Variants in PRKCE observed in about 807,000 individuals in gnomAD.
PRKCE encodes protein kinase C epsilon.
In PRKCE, 16 loss-of-function variants were observed where a neutral mutation model predicts 85.4. The ratio of observed to expected loss-of-function variants is 0.19; its 90% CI spans 0.13 to 0.28. The LOEUF (loss-of-function observed/expected upper bound fraction) is 0.28. Ranked by LOEUF, PRKCE falls within the 10% of genes least tolerant of loss-of-function variation. The pLI is 1.00. For synonymous variants in PRKCE, 388 were observed against 371.5 expected (o/e 1.04, Z -0.51); for missense variants, 573 against 975.2 (o/e 0.59, Z 5.49).
chr2:45,874,975 G>A (rs1213554100), intron 2 of PRKCE, among the ~76,000 whole-genome samples: 1 of 152,070 alleles, frequency 6.6e-6, no homozygotes, highest in Non-Finnish European at 1.5e-5. Flanking sequence ...TACGGAAAGG[G>A]GAAATGTAGA....
chr2:46,047,846 A>G (rs1383065987), intron 10 of PRKCE, among the ~76,000 whole-genome samples: 1 of 152,222 alleles, frequency 6.6e-6, no homozygotes, highest in East Asian at 1.9e-4. Flanking sequence ...CTGCTTACTA[A>G]CCTTTGACTT....
At chr2:45,981,529 C>T (rs572888233) in intron 5 of PRKCE, among the ~76,000 whole-genome samples, 1 of 152,184 alleles carries the variant, frequency 6.6e-6, no homozygotes. Flanking sequence ...TAGACTGAGC[C>T]TTCTGTGTCT....
chr2:46,016,200 G>T (rs545878285), intron 10 of PRKCE, among the ~76,000 whole-genome samples: 6 of 152,276 alleles, frequency 3.9e-5, no homozygotes, highest in African/African-American at 1.4e-4. Flanking sequence ...CATCTTTAGT[G>T]AGCACCTATG....
chr2:45,724,870 C>G (rs1680922526), intron 1 of PRKCE, among the ~76,000 whole-genome samples: 6 of 152,194 alleles, frequency 3.9e-5, no homozygotes, highest in Admixed American at 3.9e-4. Flanking sequence ...AGGAAAGAAG[C>G]CATCTCCATA....
intron 1 of PRKCE, among the ~76,000 whole-genome samples, chr2:45,832,005 G>T (rs6544853): frequency 0.63 from 96,559 of 152,072 alleles, 31,973 homozygotes; most frequent in African/African-American, 0.83. Flanking sequence ...GATTTTTAAG[G>T]CATTTCTGAC....
intron 11 of PRKCE, among the ~76,000 whole-genome samples, chr2:46,102,284 A>G (rs896936253): frequency 6.6e-6 from 1 of 152,206 alleles, no homozygotes; most frequent in Non-Finnish European, 1.5e-5. Flanking sequence ...ACAGGCCTAC[A>G]CTGGGTTCCT....
intron 11 of PRKCE, among the ~76,000 whole-genome samples, chr2:46,128,200 A>C (rs1238453607): frequency 6.6e-6 from 1 of 152,128 alleles, no homozygotes; most frequent in Non-Finnish European, 1.5e-5. Context: ...GTTCCCTTCC[A>C]GCATCACTTG....
chr2:45,942,516 G>A (rs112632587), intron 2 of PRKCE, among the ~76,000 whole-genome samples: 41 of 152,304 alleles, frequency 2.7e-4, no homozygotes, highest in African/African-American at 7.5e-4. Flanking sequence ...ACGTGCAGCC[G>A]TTGTGATGTG....
At chr2:45,998,307 T>C (rs1704381541) in intron 6 of PRKCE, among the ~76,000 whole-genome samples, 1 of 152,252 alleles carries the variant, frequency 6.6e-6, no homozygotes, top group Non-Finnish European at 1.5e-5. Flanking sequence ...AGCAGCATCA[T>C]CTGTTTCTCC....
Position 46,086,669 on chromosome 2 carries a change from A to C in PRKCE, c.1592+307A>C, listed in dbSNP as rs550202995. Among the ~76,000 whole-genome samples the C allele has an allele frequency of 5.9e-5, 9 of 151,408 alleles. No individual in the cohort carries two copies. In the South Asian group the frequency reaches 1.9e-3, roughly 32 times the overall value. On this transcript the variant is annotated intron_variant, in intron 11 of 14. Coordinates refer to ENST00000306156, the MANE Select transcript of PRKCE (RefSeq NM_005400.3). ...ACCTTCGTTTTTCTCTCTCTCCTCC[A>C]CCCTCTTCCTTGAACATCAGGGCAT...
chr2:45,716,651 AAGG>A (rs1415477331), intron 1 of PRKCE, among the ~76,000 whole-genome samples: 6 of 144,600 alleles, frequency 4.1e-5, no homozygotes, highest in African/African-American at 1.3e-4. Context: ...GAAGAAGAAG[AAGG>A]AGAAGGAGAA....
intron 10 of PRKCE, among the ~76,000 whole-genome samples, chr2:46,050,405 G>T (rs1708783683): frequency 6.6e-6 from 1 of 152,256 alleles, no homozygotes; most frequent in South Asian, 2.1e-4. Flanking sequence ...TCGTTAAAAG[G>T]TGTCTAATTT....
intron 2 of PRKCE, among the ~76,000 whole-genome samples, chr2:45,933,491 T>TG (rs1699193418): frequency 1.4e-5 from 2 of 143,314 alleles, no homozygotes; most frequent in Non-Finnish European, 3.0e-5. Flanking sequence ...TTTTTTTTTT[T>TG]GAGACTGAGT....
intron 2 of PRKCE, among the ~76,000 whole-genome samples, chr2:45,847,977 A>G (rs1336247904): frequency 2.6e-5 from 4 of 152,198 alleles, no homozygotes. Context: ...ACCTGACTCA[A>G]ATCCCAGCAG....
chr2:46,001,653 G>C lies in PRKCE; in HGVS notation c.966+107G>C. The C allele has an allele frequency of 7.5e-7, 1 of 1,326,400 alleles. No homozygotes were observed. The highest frequency in any genetic ancestry group is 2.9e-5 in the Admixed American group (1 of 34,524). The allele number at this position is 1,326,400 out of a possible 1,614,324, so 82.2% of individuals were successfully genotyped here. A position where few individuals can be genotyped will look rare whatever the true frequency, so the allele number is the denominator to read the frequency against. On this transcript the variant is annotated intron_variant, in intron 7 of 14. Coordinates refer to ENST00000306156, the MANE Select transcript of PRKCE (RefSeq NM_005400.3). This position sits in a 1 kb window ranked among gnomAD's most constrained non-coding sequence, Gnocchi z 4.4. ...GAGGTAATAAGATTCCTGGGTTTGA[G>C]GTATTTTACTCAGAACTGCAGTACT...
intron 10 of PRKCE, among the ~76,000 whole-genome samples, chr2:46,018,488 A>G (rs367711691): frequency 6.6e-6 from 1 of 152,122 alleles, no homozygotes; most frequent in East Asian, 1.9e-4. Flanking sequence ...AAATTTTTTT[A>G]AAAAAAGCCC....
intron 2 of PRKCE, among the ~76,000 whole-genome samples, chr2:45,943,646 G>A (rs563019765): frequency 1.3e-5 from 2 of 152,146 alleles, no homozygotes; most frequent in East Asian, 3.9e-4. Flanking sequence ...CTGTCTCAGA[G>A]GCCTTTGAGG....
At chr2:46,014,437 G>C (rs543835713) in intron 10 of PRKCE, among the ~76,000 whole-genome samples, 1 of 152,064 alleles carries the variant, frequency 6.6e-6, no homozygotes, top group South Asian at 2.1e-4. Flanking sequence ...ATCAAAATTG[G>C]CATAGTCACA....
intron 1 of PRKCE, among the ~76,000 whole-genome samples, chr2:45,714,694 G>A (rs988894891): frequency 1.9e-4 from 29 of 152,198 alleles, no homozygotes; most frequent in African/African-American, 5.8e-4. Context: ...AGTATAGACC[G>A]TGTGCTGAGG....
Sources: allele counts gnomAD v4.1 joint callset (sites outside exome capture counted in the v4.1 genomes callset), GRCh38; gene constraint gnomAD v4.1.1; non-coding constraint Gnocchi (gnomAD v3.1); transcripts MANE v1.5; gene names NCBI Gene and HGNC (gene_info 2026-07-23, HGNC 2026-07-21).